FAM168A: variants seen among roughly 807,000 people sequenced by gnomAD.
FAM168A encodes the protein family with sequence similarity 168 member A, also known as protein FAM168A.
In FAM168A, 3 loss-of-function variants were observed where a neutral mutation model predicts 28.5. The ratio of observed to expected loss-of-function variants is 0.11; its 90% confidence interval spans 0.05 to 0.27. The LOEUF (loss-of-function observed/expected upper bound fraction) is 0.27. FAM168A is among the 10% of genes least tolerant of loss of function. FAM168A has a pLI of 1.00. For missense variants in FAM168A, 222 were observed against 311.5 expected, an observed-to-expected ratio of 0.71 and a Z score of 2.16; for synonymous variants, 122 against 124.2, an observed-to-expected ratio of 0.98 and a Z score of 0.12.
chr11:73,497,336 G>A (rs1016847097), intron 1 of FAM168A, among the ~76,000 whole-genome samples: 7 of 152,090 alleles, frequency 4.6e-5, no homozygotes, highest in East Asian at 3.9e-4. Flanking sequence ...GTGGTGGCGC[G>A]CGCCTGTAGT....
intron 1 of FAM168A, among the ~76,000 whole-genome samples, chr11:73,585,673 G>T (rs1230027243): frequency 6.6e-6 from 1 of 152,048 alleles, no homozygotes; most frequent in Non-Finnish European, 1.5e-5. Flanking sequence ...TTTGAGACCA[G>T]CTTGGACAAC....
intron 2 of FAM168A, among the ~76,000 whole-genome samples, chr11:73,458,903 C>G (rs564907967): frequency 3.3e-5 from 5 of 152,166 alleles, no homozygotes; most frequent in Non-Finnish European, 7.3e-5. Context: ...AGCCACTGCA[C>G]CCAGCCTCTA....
At chr11:73,418,927 G>T (rs1866742655) in intron 4 of FAM168A, among the ~76,000 whole-genome samples, 1 of 151,596 alleles carries the variant, frequency 6.6e-6, no homozygotes. Flanking sequence ...TCCTGCCTCA[G>T]CCTCCTGAGT....
intron 1 of FAM168A, among the ~76,000 whole-genome samples, chr11:73,516,205 T>G (rs1943302391): frequency 6.6e-6 from 1 of 152,088 alleles, no homozygotes; most frequent in Non-Finnish European, 1.5e-5. Flanking sequence ...AAAATGAACT[T>G]AGAATATAAT....
At chr11:73,474,449 T>C (rs1370433403) in intron 1 of FAM168A, among the ~76,000 whole-genome samples, 1 of 152,118 alleles carries the variant, frequency 6.6e-6, no homozygotes, top group African/African-American at 2.4e-5. Flanking sequence ...GTGATCCTCC[T>C]GCCCTAGTCT....
At chr11:73,424,639 C>T (rs888695150) in intron 3 of FAM168A, among the ~76,000 whole-genome samples, 3 of 152,142 alleles carry the variant, frequency 2.0e-5, no homozygotes, top group Non-Finnish European at 2.9e-5. Context: ...CTGGGGCAGA[C>T]TAGTTTTTTG....
At chr11:73,445,423 T>C (rs867703726) in intron 2 of FAM168A, among the ~76,000 whole-genome samples, 30 of 80,456 alleles carry the variant, frequency 3.7e-4, no homozygotes, top group African/African-American at 1.5e-3. Flanking sequence ...ATGTCTCTTT[T>C]TTTTTTTTTT....
chr11:73,542,579 T>A (rs2134678682), intron 1 of FAM168A, among the ~76,000 whole-genome samples: 1 of 152,316 alleles, frequency 6.6e-6, no homozygotes, highest in South Asian at 2.1e-4. Context: ...TGCCATCTGC[T>A]TATCCTGTCT....
At chr11:73,507,185 G>T (rs570111) in intron 1 of FAM168A, among the ~76,000 whole-genome samples, 75,894 of 151,952 alleles carry the variant, frequency 0.5, 21,340 homozygotes, top group African/African-American at 0.78. Context: ...GTGGGAGCAC[G>T]TGTAATTGTG....
chr11:73,538,769 A>C (rs1412627069), intron 1 of FAM168A, among the ~76,000 whole-genome samples: 1 of 152,180 alleles, frequency 6.6e-6, no homozygotes, highest in Non-Finnish European at 1.5e-5. Context: ...GGTGACAAAG[A>C]GTGTCTTCAT....
At chr11:73,559,229 G>A (rs1943925904) in intron 1 of FAM168A, among the ~76,000 whole-genome samples, 1 of 152,178 alleles carries the variant, frequency 6.6e-6, no homozygotes. Context: ...CCAACATGAT[G>A]AAACCCTGTC....
rs1037795773 is a variant in FAM168A at position 73,420,785 on chromosome 11, T to G, written c.152-786A>C. The G allele has an allele frequency of 2.0e-5, 3 of 152,448 alleles. No individual in the cohort carries two copies. The East Asian group carries it at 5.8e-4, about 29-fold the overall frequency. The allele number at this position is 152,448 out of a possible 1,614,324, so 9.4% of individuals were successfully genotyped here. The stretch of plus-strand genomic sequence containing the variant: ...TAGGAAATATAGATGAGGCCCAGTT[T>G]AAGATCTGCAAAGACTTCCCAGGCT... On this transcript the variant is annotated intron_variant, in intron 3 of 7. Transcript: ENST00000356467.
intron 1 of FAM168A, among the ~76,000 whole-genome samples, chr11:73,470,600 C>G (rs994311157): frequency 1.9e-4 from 29 of 152,112 alleles, no homozygotes; most frequent in African/African-American, 6.8e-4. Context: ...CGTTTGGCCC[C>G]CTCTTGCTCT....
At chr11:73,587,486 C>T (rs1464371830) in intron 1 of FAM168A, among the ~76,000 whole-genome samples, 2 of 148,218 alleles carry the variant, frequency 1.3e-5, no homozygotes, top group Middle Eastern at 3.4e-3. Context: ...AGCGAGACTC[C>T]GTCTCAAAAA....
At chr11:73,573,980 C>G (rs1302536992) in intron 1 of FAM168A, among the ~76,000 whole-genome samples, 1 of 151,180 alleles carries the variant, frequency 6.6e-6, no homozygotes, top group Non-Finnish European at 1.5e-5. Flanking sequence ...GGGGTGGGGG[C>G]AGGGCATGGC....
At chr11:73,516,476 T>C (rs923272583) in intron 1 of FAM168A, among the ~76,000 whole-genome samples, 3 of 152,224 alleles carry the variant, frequency 2.0e-5, no homozygotes, top group Non-Finnish European at 4.4e-5. Context: ...ATCCCTATAC[T>C]ATGATAGAAT....
At chr11:73,483,828 T>C (rs936955554) in intron 1 of FAM168A, among the ~76,000 whole-genome samples, 21 of 152,224 alleles carry the variant, frequency 1.4e-4, no homozygotes, top group African/African-American at 4.1e-4. Context: ...TGGGAGATGA[T>C]GGTTGCTGTG....
chr11:73,448,016 G>A (rs1867353618), intron 2 of FAM168A, among the ~76,000 whole-genome samples: 1 of 152,080 alleles, frequency 6.6e-6, no homozygotes, highest in Admixed American at 6.6e-5. Flanking sequence ...ATAAAATCCA[G>A]TATTATTACT....
intron 2 of FAM168A, among the ~76,000 whole-genome samples, chr11:73,432,131 T>C (rs1297342996): frequency 6.6e-6 from 1 of 152,242 alleles, no homozygotes; most frequent in Non-Finnish European, 1.5e-5. Context: ...GGCTGAATAA[T>C]ATTCCACTGT....
Sources: allele counts gnomAD v4.1 joint callset (sites outside exome capture counted in the v4.1 genomes callset), GRCh38; gene constraint gnomAD v4.1.1; transcripts MANE v1.5; gene names NCBI Gene and HGNC (gene_info 2026-07-23, HGNC 2026-07-21).